Variants in TRPV2 observed in about 807,000 individuals in gnomAD.
The protein encoded by TRPV2 is transient receptor potential cation channel subfamily V member 2.
A neutral mutation model predicts 91.0 loss-of-function variants in TRPV2; 58 were observed. The ratio of observed to expected loss-of-function variants is 0.64; its 90% CI spans 0.52 to 0.79. The LOEUF (loss-of-function observed/expected upper bound fraction) is 0.79. Ranked by LOEUF, TRPV2 falls within the 30% of genes least tolerant of loss-of-function variation. The pLI, the probability that TRPV2 is intolerant of heterozygous loss-of-function variation, is 0.00. For missense variants in TRPV2, 807 were observed against 969.6 expected (o/e 0.83, Z 2.23); for synonymous variants, 417 against 414.8 (o/e 1.01, Z -0.06).
chr17:16,434,865 C>T (rs749837779), intron 13 of TRPV2, 25 bp from the exon 14 acceptor site: 21 of 1,607,996 alleles, frequency 1.3e-5, no homozygotes, highest in South Asian at 2.2e-5. Context: ...GCAGGCAAAC[C>T]TCAGAGCTGC....
At chr17:16,425,022 A>ATT (rs11329557) in intron 5 of TRPV2, among the ~76,000 whole-genome samples, 40,250 of 115,786 alleles carry the variant, frequency 0.35, 7,652 homozygotes, top group Non-Finnish European at 0.4. Context: ...TTGCAGCTGC[A>ATT]TTTTTTTTTT....
chr17:16,424,800 G>T lies in TRPV2; in HGVS notation c.924+1033G>T, dbSNP rs565161961. 2.9e-3 allele frequency among the ~76,000 whole-genome samples: 443 copies of T among 151,264 alleles called. 1 individual carries two copies. Among genetic ancestry groups the T allele is most frequent in the Admixed American group, 5.2e-3 (79 of 15,186 alleles). On this transcript the variant is annotated intron_variant, in intron 5 of 14. Transcript: ENST00000338560. ...ATTTTATGTTTTTTTTGCTATACAGGATTTAAAAATTTTTATAATCTGCAA... is the reference window on the plus strand; with the variant it reads ...ATTTTATGTTTTTTTTGCTATACAGTATTTAAAAATTTTTATAATCTGCAA...
At chr17:16,425,002 T>C (rs977837320) in intron 5 of TRPV2, among the ~76,000 whole-genome samples, 4 of 147,480 alleles carry the variant, frequency 2.7e-5, no homozygotes, top group Non-Finnish European at 4.5e-5. Context: ...CCATATTTTC[T>C]TCCAAACTTT....
chr17:16,421,499 G>A (rs970646657), intron 3 of TRPV2, among the ~76,000 whole-genome samples: 17 of 149,310 alleles, frequency 1.1e-4, no homozygotes, highest in African/African-American at 3.7e-4. Flanking sequence ...GATTACAGGC[G>A]TGAGCCACCG....
At chr17:16,428,658 CATT>C in intron 9 of TRPV2, 156 bp from the exon 10 acceptor site, 4 of 796,346 alleles carry the variant, frequency 5.0e-6, no homozygotes, top group East Asian at 2.6e-5. Context: ...AGTCAGGCAT[CATT>C]ATTATTATGC....
At position 16,426,650 on chromosome 17, in the gene TRPV2, G is replaced by T. The variant is rs2093384513; in HGVS notation, c.1096-72G>T. 1.3e-6 allele frequency: 2 copies of T among 1,537,960 alleles called. No individual in the cohort carries two copies. Among genetic ancestry groups the T allele is most frequent in the African/African-American group, 2.7e-5 (2 of 73,014 alleles). On this transcript the variant is annotated intron_variant, in intron 6 of 14. Coordinates refer to ENST00000338560, the MANE Select transcript of TRPV2 (RefSeq NM_016113.5). This position sits in a 1 kb window ranked among gnomAD's most constrained non-coding sequence, Gnocchi z 6.0. ...TCCTCATTTCCTGGGCCCTTGCTTTGATCTTGACATGGAGTGGGCAGCCTA... is the reference window on the plus strand; with the variant it reads ...TCCTCATTTCCTGGGCCCTTGCTTTTATCTTGACATGGAGTGGGCAGCCTA...
Position 16,420,111 on chromosome 17 carries a change from A to G in TRPV2, c.201-4A>G, listed in dbSNP as rs1167199426. ...GCATGAGTCACAAACCACATCCTCC[A>G]CAGTCAGCCGGATCCAAACCGATTT... On this transcript the variant is annotated splice_region_variant and splice_polypyrimidine_tract_variant and intron_variant, in intron 2 of 14. Coordinates refer to ENST00000338560, the MANE Select transcript of TRPV2 (RefSeq NM_016113.5). 4 of 1,611,862 alleles carry G rather than the reference A, an allele frequency of 2.5e-6. No individual in the cohort carries two copies. The highest frequency in any genetic ancestry group is 3.4e-6 in the Non-Finnish European group (4 of 1,178,288).
chr17:16,427,055 C>T (rs1308964224), intron 7 of TRPV2, among the ~76,000 whole-genome samples, 178 bp downstream of exon 7: 1 of 152,124 alleles, frequency 6.6e-6, no homozygotes, highest in Non-Finnish European at 1.5e-5. Context: ...TGAGTGCTCA[C>T]TGTATGTGAA....
chr17:16,428,240 G>T (rs1338458876), intron 8 of TRPV2, 77 bp from the exon 9 acceptor site: 8 of 1,404,266 alleles, frequency 5.7e-6, no homozygotes, highest in Non-Finnish European at 8.1e-6. Flanking sequence ...TGGGTGGCAG[G>T]CTCCCACTCA....
intron 10 of TRPV2, among the ~76,000 whole-genome samples, chr17:16,430,892 C>T (rs183934437): frequency 6.6e-6 from 1 of 152,208 alleles, no homozygotes; most frequent in East Asian, 1.9e-4. Flanking sequence ...CACCTTTTGA[C>T]CATTGTGAAT....
Position 16,422,838 on chromosome 17 carries a change from C to T in TRPV2, c.574C>T (p.Arg192Trp), listed in dbSNP as rs146816318. ...LVENGANVHA[R>W]ACGRFFQKGQ... Reference sequence around the variant, plus strand: ...GGAGAATGGGGCCAATGTGCATGCCCGGGCCTGCGGCCGCTTCTTCCAGAA... The same window carrying T: ...GGAGAATGGGGCCAATGTGCATGCCTGGGCCTGCGGCCGCTTCTTCCAGAA... Residue 192 changes from arginine to tryptophan, a missense_variant, in exon 4 of 15, where the codon CGG (arginine) becomes TGG (tryptophan). Arg to Trp is a moderately radical substitution (Grantham distance 101). Transcript: ENST00000338560. 7 of 1,572,830 alleles carry T rather than the reference C, an allele frequency of 4.5e-6. No individual in the cohort carries two copies. Among genetic ancestry groups the T allele is most frequent in the East Asian group, 4.7e-5 (2 of 42,682 alleles).
intron 10 of TRPV2, among the ~76,000 whole-genome samples, chr17:16,431,440 C>T (rs958671947): frequency 1.4e-4 from 21 of 151,194 alleles, no homozygotes; most frequent in African/African-American, 5.1e-4. Context: ...ATTACAAGCA[C>T]AGGCACACCA....
At chr17:16,421,322 T>TGCCTCA (rs2093355480) in intron 3 of TRPV2, among the ~76,000 whole-genome samples, 1 of 151,946 alleles carries the variant, frequency 6.6e-6, no homozygotes, top group Admixed American at 6.6e-5. Flanking sequence ...GCCATTCTCC[T>TGCCTCA]GCCTCAGCCT....
In TRPV2 at chr17:16,417,803, C is replaced by T. The variant is rs777500550; in HGVS notation, c.135C>T (p.Gly45=). 19 of 1,614,178 alleles carry T rather than the reference C, an allele frequency of 1.2e-5. No individual in the cohort carries two copies. The highest frequency in any genetic ancestry group is 5.5e-5 in the South Asian group (5 of 91,082). ...GLPPMESQFQ[G]EDRKFAPQIR... is the part of the protein sequence containing the mutation. ...CTCCCATGGAGTCACAGTTCCAGGG[C>T]GAGGACCGGAAATTCGCCCCTCAGA... Residue 45 remains glycine (G), a synonymous_variant, in exon 2 of 15, where the codon GGC becomes GGT. Coordinates refer to ENST00000338560, the MANE Select transcript of TRPV2 (RefSeq NM_016113.5).
At chr17:16,421,518 C>CTTATATTATTCCCTTTGAACCTTACAATA (rs1450829843) in intron 3 of TRPV2, among the ~76,000 whole-genome samples, 1 of 142,664 alleles carries the variant, frequency 7.0e-6, no homozygotes, top group East Asian at 2.0e-4. Context: ...CGCGCCTGGC[C>CTTATATTATTCCCTTTGAACCTTACAATA]ATTTTTTTTT....
At chr17:16,433,286 G>A in intron 12 of TRPV2, 1 of 325,246 alleles carries the variant, frequency 3.1e-6, no homozygotes, top group Non-Finnish European at 5.8e-6. Flanking sequence ...CTGGAACGAT[G>A]TAAGAGCAAG....
intron 2 of TRPV2, chr17:16,419,305 A>G (rs533336438): frequency 2.1e-6 from 1 of 470,786 alleles, no homozygotes; most frequent in South Asian, 1.5e-5. Flanking sequence ...GATTCTGACA[A>G]GCTACCAGAT....
Position 16,428,817 on chromosome 17 carries a change from C to A in TRPV2, c.1422C>A (p.Phe474Leu), listed in dbSNP as rs1207505724. 3 of 1,613,052 alleles carry A rather than the reference C, an allele frequency of 1.9e-6. No homozygotes were observed. The highest frequency in any genetic ancestry group is 2.5e-6 in the Non-Finnish European group (3 of 1,179,946). ...CCACCTGGATTCTGCTCCCACACAG[C>A]CTGTTCCAGGCCCTGCTCACAGTGG... ...SFIDSYFEIL[F>L]LFQALLTVVS... Residue 474 changes from phenylalanine (F) to leucine (L), a missense_variant and splice_region_variant, in exon 10 of 15, where the codon TTC (phenylalanine) becomes TTA (leucine). Phe to Leu is a conservative substitution (Grantham distance 22). Coordinates refer to ENST00000338560, the MANE Select transcript of TRPV2 (RefSeq NM_016113.5).
chr17:16,434,372 G>A (rs777135530), intron 13 of TRPV2, among the ~76,000 whole-genome samples: 5 of 150,736 alleles, frequency 3.3e-5, no homozygotes, highest in Admixed American at 6.7e-5. Flanking sequence ...GGAGGCCGAC[G>A]CAGGAGAATG....
Sources: allele counts gnomAD v4.1 joint callset (sites outside exome capture counted in the v4.1 genomes callset), GRCh38; gene constraint gnomAD v4.1.1; non-coding constraint Gnocchi (gnomAD v3.1); transcripts MANE v1.5; gene names NCBI Gene and HGNC (gene_info 2026-07-23, HGNC 2026-07-21).